ASH1L: variants seen among roughly 807,000 people sequenced by gnomAD.
The protein encoded by ASH1L is histone-lysine N-methyltransferase ASH1L.
ASH1L carries 23 observed loss-of-function variants against 269.0 expected under a neutral mutation model. That is an observed-to-expected ratio of 0.09 (90% confidence interval 0.06 to 0.12). The LOEUF is 0.12. Among genes scored for constraint, ASH1L ranks in the 10% least tolerant of loss-of-function variants. ASH1L has a pLI of 1.00. For synonymous variants in ASH1L, 1,187 were observed against 1,253.5 expected (o/e 0.95, Z 1.12); for missense variants, 2,912 against 3,567.8 (o/e 0.82, Z 4.68).
In ASH1L at chr1:155,459,914, AAGAT is replaced by A. The variant is rs778038971; in HGVS notation, c.4985-20_4985-17del. On this transcript the variant is annotated splice_polypyrimidine_tract_variant and intron_variant, in intron 3 of 27. Coordinates refer to ENST00000392403, the MANE Select transcript of ASH1L (RefSeq NM_018489.3). Reference sequence around the variant, plus strand: ...GGCTGGGAGCCTGGAGAAAGAGAAAAAGATAGAAATCATAGGAAAATTCAACTTT... The same window carrying A: ...GGCTGGGAGCCTGGAGAAAGAGAAAAAGAAATCATAGGAAAATTCAACTTT... 40 of 1,553,192 alleles carry A rather than the reference AAGAT, an allele frequency of 2.6e-5. No individual in the cohort carries two copies. Among genetic ancestry groups the A allele is most frequent in the Non-Finnish European group, 2.9e-5 (33 of 1,149,102 alleles).
intron 4 of ASH1L, among the ~76,000 whole-genome samples, chr1:155,448,024 A>T (rs1663163563): frequency 6.6e-6 from 1 of 152,044 alleles, no homozygotes; most frequent in Non-Finnish European, 1.5e-5. Context: ...ATCCATTTTG[A>T]TTTCAGTTTT....
At chr1:155,430,680 A>C (rs958437053) in intron 5 of ASH1L, among the ~76,000 whole-genome samples, 11 of 152,192 alleles carry the variant, frequency 7.2e-5, no homozygotes, top group African/African-American at 2.7e-4. Flanking sequence ...TGGTCTTAAA[A>C]GTGACTCTTA....
At position 155,562,464 on chromosome 1, in the gene ASH1L, G is replaced by A; in HGVS notation, c.-411C>T. 3 of 1,463,920 alleles carry A rather than the reference G, an allele frequency of 2.0e-6. No homozygotes were observed. The highest frequency in any genetic ancestry group is 1.9e-6 in the Non-Finnish European group (2 of 1,080,170). 90.7% of individuals were successfully genotyped at this position (1,463,920 alleles called of 1,614,324 possible). On this transcript the variant is annotated 5_prime_UTR_variant, in exon 1 of 28. Transcript: ENST00000392403. Reference sequence around the variant, plus strand: ...CGGCGGCAGCAGCAGAGTGGCGGCGGTGGCGGCGGCAGCTCCTCCAGAGGG... The same window carrying A: ...CGGCGGCAGCAGCAGAGTGGCGGCGATGGCGGCGGCAGCTCCTCCAGAGGG...
chr1:155,416,473 ACT>A (rs1660219975), intron 5 of ASH1L, among the ~76,000 whole-genome samples: 1 of 152,048 alleles, frequency 6.6e-6, no homozygotes, highest in African/African-American at 2.4e-5. Context: ...TTAATGCAGC[ACT>A]GTTATCCCTG....
At chr1:155,409,887 C>T (rs1659624033) in intron 6 of ASH1L, among the ~76,000 whole-genome samples, 1 of 151,978 alleles carries the variant, frequency 6.6e-6, no homozygotes, top group Non-Finnish European at 1.5e-5. Context: ...CGATCTTGGC[C>T]AGGCGTGGTG....
chr1:155,542,401 T>C (rs1255701366), intron 1 of ASH1L, among the ~76,000 whole-genome samples: 1 of 151,772 alleles, frequency 6.6e-6, no homozygotes, highest in Non-Finnish European at 1.5e-5. Context: ...TACAAAAAAT[T>C]AGCCAGGCGT....
chr1:155,514,194 A>T (rs1180501606), intron 2 of ASH1L, among the ~76,000 whole-genome samples: 4 of 152,184 alleles, frequency 2.6e-5, no homozygotes, highest in African/African-American at 7.2e-5. Flanking sequence ...TCAAAAAAAG[A>T]TCCAGAGCTG....
intron 12 of ASH1L, among the ~76,000 whole-genome samples, chr1:155,366,028 G>C (rs181290554): frequency 3.9e-5 from 6 of 152,182 alleles, no homozygotes; most frequent in Admixed American, 2.6e-4. Flanking sequence ...CTTGTATAGA[G>C]GTTGGGTAAA....
chr1:155,426,076 A>T (rs1460352751), intron 5 of ASH1L, among the ~76,000 whole-genome samples: 4 of 142,646 alleles, frequency 2.8e-5, no homozygotes, highest in African/African-American at 5.3e-5. Flanking sequence ...TTATTTATTT[A>T]TTTTTTAAGA....
intron 6 of ASH1L, among the ~76,000 whole-genome samples, chr1:155,402,632 G>C (rs1175925814): frequency 6.6e-6 from 1 of 152,102 alleles, no homozygotes; most frequent in Non-Finnish European, 1.5e-5. Context: ...ATGCAGCCTT[G>C]AACTCCTAAG....
chr1:155,340,166 T>G lies in ASH1L; in HGVS notation c.8461-798A>C, dbSNP rs370210421. 1.6e-4 allele frequency among the ~76,000 whole-genome samples: 24 copies of G among 152,142 alleles called. No individual in the cohort carries two copies. The South Asian group carries it at 1.9e-3, about 12-fold the overall frequency. On this transcript the variant is annotated intron_variant, in intron 25 of 27. Transcript: ENST00000392403. ...ATAGGGAAAATAGGAACATATTGCT[T>G]TGTTTTCTGGTTAGCTTATTTTTCT... is the stretch of plus-strand genomic sequence containing the variant.
intron 1 of ASH1L, among the ~76,000 whole-genome samples, chr1:155,537,184 T>C (rs1029838181): frequency 2.6e-5 from 4 of 152,154 alleles, no homozygotes; most frequent in African/African-American, 7.2e-5. Context: ...TTAAAGCTGA[T>C]AGACTTTAAG....
intron 1 of ASH1L, among the ~76,000 whole-genome samples, chr1:155,530,923 A>G (rs1312027519): frequency 4.0e-5 from 6 of 151,748 alleles, no homozygotes; most frequent in Non-Finnish European, 1.5e-5. Context: ...GGTGGGACAC[A>G]CTTGTAGTCC....
At chr1:155,363,914 G>A (rs1484454354) in intron 12 of ASH1L, among the ~76,000 whole-genome samples, 1 of 151,834 alleles carries the variant, frequency 6.6e-6, no homozygotes, top group African/African-American at 2.4e-5. Flanking sequence ...CGGAAGTTGT[G>A]GTGAGCCAAA....
At chr1:155,505,837 T>C (rs1247497536) in intron 2 of ASH1L, among the ~76,000 whole-genome samples, 1 of 152,156 alleles carries the variant, frequency 6.6e-6, no homozygotes, top group Admixed American at 6.6e-5. Context: ...CACACTATTA[T>C]TATCATTATT....
chr1:155,425,103 G>A (rs1661027094), intron 5 of ASH1L, among the ~76,000 whole-genome samples: 1 of 151,856 alleles, frequency 6.6e-6, no homozygotes, highest in Non-Finnish European at 1.5e-5. Flanking sequence ...CTCAGTAGCT[G>A]TGATTAAAGG....
chr1:155,390,649 T>C (rs1281225132), intron 7 of ASH1L, among the ~76,000 whole-genome samples: 11 of 136,284 alleles, frequency 8.1e-5, no homozygotes, highest in Admixed American at 7.3e-4. Flanking sequence ...CCCCCCTTTT[T>C]TCTTTCTTTT....
intron 4 of ASH1L, among the ~76,000 whole-genome samples, chr1:155,457,826 G>A (rs1204096242): frequency 6.6e-6 from 1 of 152,092 alleles, no homozygotes; most frequent in Non-Finnish European, 1.5e-5. Context: ...GTTTACAAAA[G>A]TAAAATATTT....
chr1:155,368,391 G>T (rs1384369401), intron 12 of ASH1L, among the ~76,000 whole-genome samples: 1 of 151,958 alleles, frequency 6.6e-6, no homozygotes, highest in Non-Finnish European at 1.5e-5. Flanking sequence ...TTCAATTTTG[G>T]GGGTACATGT....
Sources: gnomAD v4.1 joint callset for allele counts (sites outside exome capture counted in the v4.1 genomes callset) on GRCh38, gnomAD v4.1.1 for gene constraint, MANE v1.5 for transcripts, NCBI Gene and HGNC (gene_info 2026-07-23, HGNC 2026-07-21) for gene names.